KHDRBS2: variants seen among roughly 807,000 people sequenced by gnomAD.
KHDRBS2 encodes the protein KH RNA binding domain containing, signal transduction associated 2.
In KHDRBS2, 26 loss-of-function variants were observed where a neutral mutation model predicts 44.3. The observed-to-expected ratio is 0.59, with a 90% CI of 0.43 to 0.81. The LOEUF (loss-of-function observed/expected upper bound fraction) is 0.81, where lower values mean the gene tolerates loss of function less well. KHDRBS2 is among the 40% of genes least tolerant of loss of function. The pLI is 0.00. For missense variants in KHDRBS2, 476 were observed against 433.1 expected, an observed-to-expected ratio of 1.10 and a Z score of -0.88; for synonymous variants, 194 against 151.1, an observed-to-expected ratio of 1.28 and a Z score of -2.08.
At chr6:62,109,828 A>G (rs1804584799) in intron 2 of KHDRBS2, among the ~76,000 whole-genome samples, 1 of 151,870 alleles carries the variant, frequency 6.6e-6, no homozygotes, top group Non-Finnish European at 1.5e-5. Flanking sequence ...GAAGGAAAGG[A>G]AAAATAAAAA....
chr6:61,954,660 A>G (rs1206023912), intron 4 of KHDRBS2, among the ~76,000 whole-genome samples: 7 of 134,426 alleles, frequency 5.2e-5, no homozygotes, highest in Non-Finnish European at 9.8e-5. Flanking sequence ...GTATACATAC[A>G]TATGTGTATA....
chr6:61,955,926 C>T (rs1308059061), intron 4 of KHDRBS2, among the ~76,000 whole-genome samples: 3 of 152,056 alleles, frequency 2.0e-5, no homozygotes, highest in African/African-American at 7.2e-5. Flanking sequence ...CCCATAGCTA[C>T]AGCTAGTAAG....
intron 1 of KHDRBS2, among the ~76,000 whole-genome samples, chr6:62,278,037 C>G (rs986632113): frequency 4.6e-5 from 7 of 152,042 alleles, no homozygotes; most frequent in African/African-American, 1.7e-4. Context: ...AGTGGTTATT[C>G]CACCTCTAAA....
intron 2 of KHDRBS2, among the ~76,000 whole-genome samples, chr6:62,075,940 T>A (rs192891980): frequency 9.0e-4 from 137 of 151,786 alleles, no homozygotes; most frequent in Non-Finnish European, 1.7e-3. Flanking sequence ...ACCAAGGAAT[T>A]TTTTTGATCA....
intron 2 of KHDRBS2, among the ~76,000 whole-genome samples, chr6:62,137,834 T>G (rs1384868508): frequency 6.6e-6 from 1 of 152,200 alleles, no homozygotes; most frequent in East Asian, 1.9e-4. Flanking sequence ...CATACATTAT[T>G]TAAAATATCC....
intron 6 of KHDRBS2, among the ~76,000 whole-genome samples, chr6:61,818,936 G>A (rs1339954490): frequency 6.6e-6 from 1 of 151,874 alleles, no homozygotes; most frequent in African/African-American, 2.4e-5. Flanking sequence ...ACATTCTTAT[G>A]TATGTTACTA....
chr6:62,175,659 C>G (rs191794789), intron 2 of KHDRBS2, among the ~76,000 whole-genome samples: 329 of 151,536 alleles, frequency 2.2e-3, no homozygotes, highest in Non-Finnish European at 3.8e-3. Context: ...GCTGGTGATC[C>G]GTGGTCCACG....
intron 6 of KHDRBS2, among the ~76,000 whole-genome samples, chr6:61,751,992 C>T (rs1374712177): frequency 6.6e-6 from 1 of 152,000 alleles, no homozygotes; most frequent in Non-Finnish European, 1.5e-5. Context: ...GGACACAAAT[C>T]ATATCCAATT....
At chr6:61,951,751 C>A (rs557307838) in intron 4 of KHDRBS2, among the ~76,000 whole-genome samples, 14 of 152,162 alleles carry the variant, frequency 9.2e-5, no homozygotes, top group African/African-American at 3.1e-4. Flanking sequence ...CTTGACAGAG[C>A]CATTTATGGC....
intron 6 of KHDRBS2, among the ~76,000 whole-genome samples, chr6:61,838,795 A>G (rs1359888858): frequency 6.6e-6 from 1 of 152,068 alleles, no homozygotes; most frequent in African/African-American, 2.4e-5. Flanking sequence ...GTACTTGCTT[A>G]CCTTCAATTC....
chr6:61,790,499 C>T (rs1784470158), intron 6 of KHDRBS2, among the ~76,000 whole-genome samples: 1 of 150,680 alleles, frequency 6.6e-6, no homozygotes, highest in Admixed American at 6.6e-5. Context: ...AAGCTCTTTA[C>T]CTGGATGGTT....
At chr6:62,205,169 G>A (rs1488411181) in intron 1 of KHDRBS2, among the ~76,000 whole-genome samples, 1 of 152,042 alleles carries the variant, frequency 6.6e-6, no homozygotes, top group African/African-American at 2.4e-5. Context: ...GTGGGACCTG[G>A]AATTTAGGGA....
At chr6:62,017,790 T>G (rs1023478633) in intron 3 of KHDRBS2, among the ~76,000 whole-genome samples, 3 of 152,120 alleles carry the variant, frequency 2.0e-5, no homozygotes, top group African/African-American at 7.2e-5. Context: ...TTCTAAAGTA[T>G]AAGTAAGTGG....
At chr6:61,696,237 T>TTTTTTTTATTTATTTATTTATTTATTTA (rs1554162476) in intron 8 of KHDRBS2, among the ~76,000 whole-genome samples, 1 of 146,050 alleles carries the variant, frequency 6.8e-6, no homozygotes, top group African/African-American at 2.5e-5. Flanking sequence ...CATATATGTA[T>TTTTTTTTATTTATTTATTTATTTATTTA]TTTATTTATT....
intron 2 of KHDRBS2, among the ~76,000 whole-genome samples, chr6:62,151,110 G>A (rs552723547): frequency 5.3e-5 from 8 of 152,232 alleles, no homozygotes; most frequent in East Asian, 3.9e-4. Context: ...ACTCAGAACC[G>A]TCAAATTCTG....
At chr6:62,103,267 C>G (rs1802316464) in intron 2 of KHDRBS2, among the ~76,000 whole-genome samples, 1 of 152,164 alleles carries the variant, frequency 6.6e-6, no homozygotes, top group Non-Finnish European at 1.5e-5. Context: ...CTGCCTCTTG[C>G]TGAGATCAAC....
At chr6:61,579,586 G>A in the KHDRBS2 span, among the ~76,000 whole-genome samples, 2 of 152,152 alleles carry the variant, frequency 1.3e-5, no homozygotes, top group African/African-American at 4.8e-5. Flanking sequence ...GCTAGTGACC[G>A]AATGTTATTT....
At chr6:62,074,762 T>C (rs3914604) in intron 2 of KHDRBS2, among the ~76,000 whole-genome samples, 93,663 of 151,628 alleles carry the variant, frequency 0.62, 29,144 homozygotes, top group African/African-American at 0.63. Context: ...GCTATTAGAC[T>C]TGAGCTAAAT....
intron 3 of KHDRBS2, among the ~76,000 whole-genome samples, chr6:62,036,841 C>T (rs1042380999): frequency 6.6e-6 from 1 of 151,908 alleles, no homozygotes; most frequent in Non-Finnish European, 1.5e-5. Context: ...AATAATTAAA[C>T]TAGTATCTTT....
Sources: gnomAD v4.1 joint callset for allele counts (sites outside exome capture counted in the v4.1 genomes callset) on GRCh38, gnomAD v4.1.1 for gene constraint, MANE v1.5 for transcripts, NCBI Gene and HGNC (gene_info 2026-07-23, HGNC 2026-07-21) for gene names.